The following TTC7A variants were observed in gnomAD, a reference collection of about 807,000 sequenced individuals.
The protein encoded by TTC7A is tetratricopeptide repeat protein 7A.
Under a neutral mutation model 103.7 loss-of-function variants are expected in TTC7A, and 110 were observed. The ratio of observed to expected loss-of-function variants is 1.06; its 90% CI spans 0.91 to 1.24. The LOEUF (loss-of-function observed/expected upper bound fraction) is 1.24. TTC7A is among the 50% of genes most tolerant of loss of function. The pLI is 0.00. For missense variants in TTC7A, 1,340 were observed against 1,116.3 expected (o/e 1.20, Z -2.86); for synonymous variants, 521 against 467.9 (o/e 1.11, Z -1.47).
In TTC7A at chr2:46,927,162, A is replaced by C. The variant is rs138536738; in HGVS notation, c.82+9885A>C. On this transcript the variant is annotated intron_variant, in intron 2 of 20. Coordinates refer to the TTC7A transcript ENST00000409245. Reference sequence around the variant, plus strand: ...TTGGAGTCACAGGAGGAGAGGAGAGAATGAGCAAAGACAGTATTTGAAGAG... The same window carrying C: ...TTGGAGTCACAGGAGGAGAGGAGAGCATGAGCAAAGACAGTATTTGAAGAG... Among the ~76,000 whole-genome samples, 388 of 152,210 alleles carry C rather than the reference A, an allele frequency of 2.5e-3. 1 individual carries two copies. The highest frequency in any genetic ancestry group is 8.6e-3 in the African/African-American group (359 of 41,538).
chr2:46,918,020 C>T (rs918534056), intron 2 of TTC7A, among the ~76,000 whole-genome samples: 4 of 152,152 alleles, frequency 2.6e-5, no homozygotes, highest in African/African-American at 9.7e-5. Flanking sequence ...CTTTAGATAC[C>T]ATTTATAAAT....
intron 5 of TTC7A, among the ~76,000 whole-genome samples, chr2:46,981,857 G>A (rs1287533679): frequency 6.6e-6 from 1 of 152,238 alleles, no homozygotes; most frequent in African/African-American, 2.4e-5. Flanking sequence ...AGGTGGAGTT[G>A]TTTGTCCAGA....
At chr2:47,031,654 C>A (rs1335287711) in intron 15 of TTC7A, among the ~76,000 whole-genome samples, 4 of 152,258 alleles carry the variant, frequency 2.6e-5, no homozygotes, top group Non-Finnish European at 4.4e-5. Flanking sequence ...AGCACCGCTG[C>A]TCTGATGGAG....
chr2:46,983,663 G>A (rs937791647), intron 5 of TTC7A, among the ~76,000 whole-genome samples: 2 of 152,212 alleles, frequency 1.3e-5, no homozygotes, highest in South Asian at 4.1e-4. Context: ...GTGGCCTGCC[G>A]CCACTTTTCT....
At chr2:46,968,819 A>G (rs1673090223) in intron 3 of TTC7A, among the ~76,000 whole-genome samples, 1 of 152,198 alleles carries the variant, frequency 6.6e-6, no homozygotes, top group Non-Finnish European at 1.5e-5. Flanking sequence ...CAGTGTAAAT[A>G]TCCATGTGAC....
intron 3 of TTC7A, among the ~76,000 whole-genome samples, chr2:46,966,466 A>G (rs1672856511): frequency 6.6e-6 from 1 of 152,192 alleles, no homozygotes; most frequent in African/African-American, 2.4e-5. Context: ...TCTGCTTTTT[A>G]AAAAAGTATT....
At chr2:46,990,810 C>T (rs2104364289) in intron 5 of TTC7A, among the ~76,000 whole-genome samples, 1 of 152,286 alleles carries the variant, frequency 6.6e-6, no homozygotes. Context: ...AACTAGAAGA[C>T]CCCAGGGCAT....
At chr2:47,036,430 G>A (rs559214997) in intron 15 of TTC7A, among the ~76,000 whole-genome samples, 4 of 152,310 alleles carry the variant, frequency 2.6e-5, no homozygotes, top group African/African-American at 4.8e-5. Context: ...CCTCCAGACC[G>A]AAGGAAAAAT....
chr2:47,064,049 A>G (rs1054525763), intron 19 of TTC7A, among the ~76,000 whole-genome samples: 9 of 152,244 alleles, frequency 5.9e-5, no homozygotes, highest in African/African-American at 1.4e-4. Flanking sequence ...CCTAGATGCA[A>G]TAAGGGATGT....
At chr2:46,945,305 T>A (rs1245892792) in intron 1 of TTC7A, among the ~76,000 whole-genome samples, 1 of 151,954 alleles carries the variant, frequency 6.6e-6, no homozygotes, top group East Asian at 1.9e-4. Context: ...CAGGCTGGAG[T>A]GCAGTGGTGC....
exon 2 of TTC7A, chr2:46,917,237 C>G (rs1320719983): frequency 2.9e-6 from 2 of 696,960 alleles, no homozygotes; most frequent in Non-Finnish European, 2.6e-6. Context: ...TCAAGCAATC[C>G]TCCCACCACC....
upstream of TTC7A, chr2:46,915,968 G>A: frequency 1.0e-6 from 1 of 985,400 alleles, no homozygotes; most frequent in Non-Finnish European, 1.2e-6. Flanking sequence ...CGGGACTGAC[G>A]CAGTTCTTCT....
At chr2:46,997,950 T>C (rs1676385545) in intron 8 of TTC7A, among the ~76,000 whole-genome samples, 1 of 152,130 alleles carries the variant, frequency 6.6e-6, no homozygotes, top group Non-Finnish European at 1.5e-5. Context: ...ACATGGCCCG[T>C]GCTTGGAGCC....
At chr2:46,970,280 G>A (rs933130067) in intron 3 of TTC7A, among the ~76,000 whole-genome samples, 2 of 152,196 alleles carry the variant, frequency 1.3e-5, no homozygotes, top group African/African-American at 4.8e-5. Context: ...GAGCCACTTC[G>A]CCTGGCCTGC....
chr2:47,025,704 G>A (rs1679829059), intron 14 of TTC7A, among the ~76,000 whole-genome samples: 1 of 152,134 alleles, frequency 6.6e-6, no homozygotes, highest in Non-Finnish European at 1.5e-5. Flanking sequence ...ATGTCATCCT[G>A]GCTGTTGTTT....
chr2:46,964,872 T>A (rs6713810), intron 3 of TTC7A, among the ~76,000 whole-genome samples: 104,288 of 152,064 alleles, frequency 0.69, 36,137 homozygotes, highest in Middle Eastern at 0.74. Context: ...ACCTTAGTCA[T>A]TGGTGCCTAA....
At chr2:47,068,729 C>G (rs953990165) in intron 19 of TTC7A, 1 of 151,956 alleles carries the variant, frequency 6.6e-6, no homozygotes, top group Non-Finnish European at 1.5e-5. Context: ...TGGCTCAGGA[C>G]TCTGGGAAAA....
chr2:47,047,764 A>C (rs1298152067), intron 16 of TTC7A, among the ~76,000 whole-genome samples: 1 of 152,158 alleles, frequency 6.6e-6, no homozygotes, highest in East Asian at 1.9e-4. Context: ...CCTCCCTTGG[A>C]GCAGCAGAAC....
At chr2:46,931,538 G>A (rs1197779919) in intron 2 of TTC7A, among the ~76,000 whole-genome samples, 1 of 152,156 alleles carries the variant, frequency 6.6e-6, no homozygotes, top group Non-Finnish European at 1.5e-5. Flanking sequence ...TCAGAGTAGA[G>A]GTGCCCATGG....
Sources: allele counts gnomAD v4.1 joint callset (sites outside exome capture counted in the v4.1 genomes callset), GRCh38; gene constraint gnomAD v4.1.1; transcripts MANE v1.5; gene names NCBI Gene and HGNC (gene_info 2026-07-23, HGNC 2026-07-21).